PLCB4: variants seen among roughly 807,000 people sequenced by gnomAD.
PLCB4 encodes the protein phospholipase C beta 4, also known as 1-phosphatidylinositol 4,5-bisphosphate phosphodiesterase beta-4.
Under a neutral mutation model 178.8 loss-of-function variants are expected in PLCB4, and 77 were observed. That is an observed-to-expected ratio of 0.43 (90% CI 0.36 to 0.52). The LOEUF is 0.52. PLCB4 is among the 20% of genes least tolerant of loss of function. The pLI is 0.00. For synonymous variants in PLCB4, 496 were observed against 490.8 expected, an observed-to-expected ratio of 1.01 and a Z score of -0.14; for missense variants, 1,024 against 1,453.4, an observed-to-expected ratio of 0.70 and a Z score of 4.80.
At position 9,412,471 on chromosome 20, in the gene PLCB4, A is replaced by T. The variant is rs1394935178; in HGVS notation, c.2051+1383A>T. 2.0e-5 allele frequency among the ~76,000 whole-genome samples: 3 copies of T among 152,246 alleles called. No homozygotes were observed. In the East Asian group the frequency reaches 5.8e-4, roughly 29 times the overall value. On this transcript the variant is annotated intron_variant, in intron 25 of 39. Coordinates refer to ENST00000378473, the MANE Select transcript of PLCB4 (RefSeq NM_001377142.1). ...AAATGAAGACGGTGACACCTGTCGC[A>T]CAGGGTTTGTTGTACTCAAAGGAAA...
intron 22 of PLCB4, among the ~76,000 whole-genome samples, chr20:9,408,296 A>C (rs901083612): frequency 1.6e-4 from 24 of 152,244 alleles, no homozygotes; most frequent in Non-Finnish European, 3.4e-4. Context: ...AGTGCTGGGC[A>C]TGTAGCTTCT....
chr20:9,075,898 C>T (rs2089838965), intron 1 of PLCB4, among the ~76,000 whole-genome samples: 1 of 152,184 alleles, frequency 6.6e-6, no homozygotes, highest in African/African-American at 2.4e-5. Context: ...CCCAGGAGCT[C>T]CCATGTTGAG....
intron 26 of PLCB4, 62 bp from the exon 27 acceptor site, chr20:9,421,235 T>C (rs772618868): frequency 9.6e-5 from 124 of 1,291,838 alleles, no homozygotes; most frequent in Non-Finnish European, 1.3e-4. Context: ...TTCCTGATTA[T>C]TTTTTGCTAC....
intron 1 of PLCB4, among the ~76,000 whole-genome samples, chr20:9,083,949 G>A (rs1399938837): frequency 8.5e-5 from 13 of 152,172 alleles, no homozygotes; most frequent in African/African-American, 3.1e-4. Flanking sequence ...TTTAGTTATG[G>A]CAGTCCTAGA....
intron 7 of PLCB4, among the ~76,000 whole-genome samples, chr20:9,359,251 G>C (rs559684133): frequency 1.8e-4 from 27 of 152,250 alleles, no homozygotes; most frequent in African/African-American, 6.5e-4. Flanking sequence ...GTAAGAGCAA[G>C]GTCTAAACAT....
chr20:9,254,820 GT>G (rs1268886749), intron 3 of PLCB4, among the ~76,000 whole-genome samples: 7 of 152,138 alleles, frequency 4.6e-5, no homozygotes, highest in African/African-American at 1.7e-4. Context: ...ATTGCAAATG[GT>G]CCAATGGCTT....
At chr20:9,354,471 C>A (rs1329930414) in intron 7 of PLCB4, among the ~76,000 whole-genome samples, 1 of 152,178 alleles carries the variant, frequency 6.6e-6, no homozygotes, top group African/African-American at 2.4e-5. Context: ...ATGATAGACA[C>A]CTGGAGGCTT....
chr20:9,285,406 A>G (rs1454450107), intron 3 of PLCB4, among the ~76,000 whole-genome samples: 1 of 151,922 alleles, frequency 6.6e-6, no homozygotes, highest in African/African-American at 2.4e-5. Context: ...CCTTTAGTAA[A>G]TAAAGGCTGA....
intron 1 of PLCB4, among the ~76,000 whole-genome samples, chr20:9,078,522 C>T (rs1470169218): frequency 2.6e-5 from 4 of 151,814 alleles, no homozygotes; most frequent in African/African-American, 2.4e-5. Context: ...CCACCAAGCC[C>T]GGCTAATTTT....
At chr20:9,404,010 G>T (rs542972269) in intron 20 of PLCB4, among the ~76,000 whole-genome samples, 1 of 152,214 alleles carries the variant, frequency 6.6e-6, no homozygotes, top group Non-Finnish European at 1.5e-5. Flanking sequence ...CTTTTGAGAA[G>T]TTTTGATGTG....
intron 2 of PLCB4, among the ~76,000 whole-genome samples, chr20:9,204,756 G>A (rs2093596076): frequency 6.6e-6 from 1 of 152,078 alleles, no homozygotes; most frequent in African/African-American, 2.4e-5. Flanking sequence ...GGATGGGACT[G>A]GGGAATGTAT....
At chr20:9,391,706 A>T (rs2038161503) in intron 17 of PLCB4, among the ~76,000 whole-genome samples, 1 of 152,138 alleles carries the variant, frequency 6.6e-6, no homozygotes, top group Non-Finnish European at 1.5e-5. Flanking sequence ...TCCACTGCCA[A>T]CATCCACAGC....
At chr20:9,349,472 G>A (rs1452309644) in intron 7 of PLCB4, among the ~76,000 whole-genome samples, 1 of 152,172 alleles carries the variant, frequency 6.6e-6, no homozygotes, top group African/African-American at 2.4e-5. Flanking sequence ...AAATCCCCAT[G>A]ATCTGTGAGG....
At chr20:9,355,667 G>T (rs1205827353) in intron 7 of PLCB4, among the ~76,000 whole-genome samples, 1 of 151,824 alleles carries the variant, frequency 6.6e-6, no homozygotes, top group Non-Finnish European at 1.5e-5. Context: ...TGGTGTATAT[G>T]TGCCACATTT....
chr20:9,453,401 CA>C lies in PLCB4; in HGVS notation c.2936del (p.Gln979ArgfsTer13). 1 of 1,613,092 alleles carries C rather than the reference CA, an allele frequency of 6.2e-7. No homozygotes were observed. Among genetic ancestry groups the C allele is most frequent in the Non-Finnish European group, 8.5e-7 (1 of 1,179,446 alleles). Reference protein sequence around the residue: ...HCTQVDKIVAQYDKEKSTHEK... With the variant: ...HCTQVDKIVAXYDKEKSTHEK... Reference sequence around the variant, plus strand: ...CACGCAAGTTGACAAAATTGTGGCACAGTATGACAAAGAGAAGTCGACTCAT... The same window carrying C: ...CACGCAAGTTGACAAAATTGTGGCACGTATGACAAAGAGAAGTCGACTCAT... On this transcript the variant is annotated frameshift_variant, in exon 33 of 40. Transcript: ENST00000378473. LOFTEE classifies it high-confidence loss of function.
At chr20:9,180,227 A>T (rs1400850748) in intron 2 of PLCB4, among the ~76,000 whole-genome samples, 1 of 152,166 alleles carries the variant, frequency 6.6e-6, no homozygotes, top group Non-Finnish European at 1.5e-5. Context: ...CCTTGGTATT[A>T]TTATGGATAG....
chr20:9,158,482 C>G (rs1368078810), intron 2 of PLCB4, among the ~76,000 whole-genome samples: 1 of 150,318 alleles, frequency 6.7e-6, no homozygotes, highest in Non-Finnish European at 1.5e-5. Context: ...CTGGCCAGGC[C>G]TGTCTCAAAC....
In PLCB4 at chr20:9,104,247, G is replaced by A. The variant is rs115622864; in HGVS notation, c.-79+7905G>A. ...TCACCATGTGGGCTCTCAATGGACT[G>A]CTTGGTCTTCCTCATAGCATGGTGG... On this transcript the variant is annotated intron_variant, in intron 2 of 39. Coordinates refer to ENST00000378473, the MANE Select transcript of PLCB4 (RefSeq NM_001377142.1). 4.5e-3 allele frequency among the ~76,000 whole-genome samples: 683 copies of A among 152,268 alleles called. 6 individuals are homozygous for A. The highest frequency in any genetic ancestry group is 0.015 in the African/African-American group (642 of 41,560).
intron 4 of PLCB4, among the ~76,000 whole-genome samples, chr20:9,314,008 G>A (rs1477525237): frequency 6.6e-6 from 1 of 152,196 alleles, no homozygotes; most frequent in Non-Finnish European, 1.5e-5. Flanking sequence ...CTTGATAGGT[G>A]AGTCAGTCAA....
Sources: gnomAD v4.1 joint callset for allele counts (sites outside exome capture counted in the v4.1 genomes callset) on GRCh38, gnomAD v4.1.1 for gene constraint, MANE v1.5 for transcripts, NCBI Gene and HGNC (gene_info 2026-07-23, HGNC 2026-07-21) for gene names.